CAPN11: variants seen among roughly 807,000 people sequenced by gnomAD.
CAPN11 encodes the protein calpain-11.
CAPN11 carries 108 observed loss-of-function variants against 105.3 expected under a neutral mutation model. The observed-to-expected ratio is 1.03, with a 90% confidence interval of 0.88 to 1.20. CAPN11 has a LOEUF of 1.20. CAPN11 is among the 50% of genes most tolerant of loss of function. The pLI, the probability that CAPN11 is intolerant of heterozygous loss-of-function variation, is 0.00. For missense variants in CAPN11, 883 were observed against 924.8 expected, an observed-to-expected ratio of 0.95 and a Z score of 0.59; for synonymous variants, 329 against 344.5, an observed-to-expected ratio of 0.96 and a Z score of 0.50.
At position 44,169,262 on chromosome 6, in the gene CAPN11, CT is replaced by C. The variant is rs754140835; in HGVS notation, c.89-10del. 2.3e-5 allele frequency: 36 copies of C among 1,562,346 alleles called. No homozygotes were observed. The highest frequency in any genetic ancestry group is 3.7e-5 in the Admixed American group (2 of 53,664). On this transcript the variant is annotated intron_variant, in intron 2 of 22. Transcript: ENST00000398776. ...TACATTTTTTACTTGCGTTATTTCT[CT>C]TTTTTTTTCTTAAGCAGAGCCCACT...
At chr6:44,176,172 C>T (rs1771962266) in intron 8 of CAPN11, 21 bp downstream of exon 8, 2 of 1,429,658 alleles carry the variant, frequency 1.4e-6, no homozygotes, top group African/African-American at 1.6e-5. Context: ...AGAAATGCGC[C>T]CTACCCTGAG....
intron 2 of CAPN11, chr6:44,168,930 AT>A (rs35889800): frequency 4.0e-4 from 170 of 425,618 alleles, no homozygotes; most frequent in Non-Finnish European, 4.5e-4. Context: ...CTATTTATTT[AT>A]TTTTTTTTAG....
At chr6:44,160,189 A>G (rs965748242) in intron 1 of CAPN11, among the ~76,000 whole-genome samples, 2 of 152,200 alleles carry the variant, frequency 1.3e-5, no homozygotes, top group African/African-American at 4.8e-5. Context: ...CCACAAACAA[A>G]TAACAAGTAT....
In CAPN11 at chr6:44,169,912, A is replaced by G; in HGVS notation, c.346A>G (p.Ile116Val). The G allele has an allele frequency of 6.2e-7, 1 of 1,611,332 alleles. No individual in the cohort carries two copies. The highest frequency in any genetic ancestry group is 8.5e-7 in the Non-Finnish European group (1 of 1,178,492). ...NISWQRPKDI[I>V]NNPLFIMDGI... Reference sequence around the variant, plus strand: ...CTTTATTCCTTCACTGCAGGATATCATAAACAACCCTCTATTCATCATGGA... The same window carrying G: ...CTTTATTCCTTCACTGCAGGATATCGTAAACAACCCTCTATTCATCATGGA... Residue 116 changes from isoleucine (I) to valine (V), a missense_variant, in exon 4 of 23, where the codon ATA (isoleucine) becomes GTA (valine). By Grantham distance (29) the Ile-to-Val change is conservative (BLOSUM62 3). Coordinates refer to ENST00000398776, the MANE Select transcript of CAPN11 (RefSeq NM_007058.4).
intron 1 of CAPN11, among the ~76,000 whole-genome samples, chr6:44,166,208 C>T (rs1341480708): frequency 2.0e-5 from 3 of 152,118 alleles, no homozygotes; most frequent in Non-Finnish European, 2.9e-5. Flanking sequence ...AATCATCTGT[C>T]GATGCCTTTG....
chr6:44,177,179 C>T (rs1280644687), intron 11 of CAPN11, 63 bp from the exon 12 acceptor site: 1 of 1,523,860 alleles, frequency 6.6e-7, no homozygotes, highest in African/African-American at 1.4e-5. Flanking sequence ...GCTCGGTCCA[C>T]CCTGGGAAGG....
chr6:44,181,072 C>T, intron 18 of CAPN11, 75 bp downstream of exon 18: 1 of 1,356,302 alleles, frequency 7.4e-7, no homozygotes, highest in East Asian at 2.3e-5. Context: ...CACCCTGGGC[C>T]AGCCACGTCC....
chr6:44,181,057 A>T, intron 18 of CAPN11, 60 bp downstream of exon 18: 3 of 1,491,482 alleles, frequency 2.0e-6, no homozygotes, highest in Non-Finnish European at 2.8e-6. Context: ...TGGCCCAGAG[A>T]TGGCCACCCT....
rs1176630830 is a variant in CAPN11 at position 44,177,119 on chromosome 6, T to C, written c.1237+121T>C. ...CAGGGTCCATGAGGTCAAGGGTTAG[T>C]CAGATTTCACAGCCCCTGTGGAGGA... On this transcript the variant is annotated intron_variant, in intron 11 of 22. Coordinates refer to ENST00000398776, the MANE Select transcript of CAPN11 (RefSeq NM_007058.4). The C allele has an allele frequency of 4.1e-6, 6 of 1,474,554 alleles. No homozygotes were observed. In the East Asian group the frequency reaches 1.4e-4, roughly 34 times the overall value. 91.3% of individuals were successfully genotyped at this position (1,474,554 alleles called of 1,614,324 possible). A position where few individuals can be genotyped will look rare whatever the true frequency, so the allele number is the denominator to read the frequency against.
chr6:44,184,240 G>A lies in CAPN11; in HGVS notation c.*308G>A. 2.2e-6 allele frequency: 1 copy of A among 458,198 alleles called. No individual in the cohort carries two copies. The highest frequency in any genetic ancestry group is 3.9e-6 in the Non-Finnish European group (1 of 253,224). The allele number at this position is 458,198 out of a possible 1,614,324, so 28.4% of individuals were successfully genotyped here. A position where few individuals can be genotyped will look rare whatever the true frequency, so the allele number is the denominator to read the frequency against. On this transcript the variant is annotated 3_prime_UTR_variant, in exon 23 of 23. Coordinates refer to ENST00000398776, the MANE Select transcript of CAPN11 (RefSeq NM_007058.4). Reference sequence around the variant, plus strand: ...GTTGATGCTTCCCCAGGGTCCCCCTGGCTGGGGAGGCCAAGAATAGGGAAG... The same window carrying A: ...GTTGATGCTTCCCCAGGGTCCCCCTAGCTGGGGAGGCCAAGAATAGGGAAG...
chr6:44,180,083 C>G lies in CAPN11; in HGVS notation c.1560C>G (p.Ile520Met). Reference protein sequence around the residue: ...SQLRLPPGEYIIIPSTFEPHR... With the variant: ...SQLRLPPGEYMIIPSTFEPHR... The stretch of plus-strand genomic sequence containing the variant: ...TCCGGCTGCCTCCGGGGGAATATAT[C>G]ATTATTCCCTCCACCTTTGAGCCAC... The change falls in exon 14 of 23, where the codon ATC becomes ATG. Residue 520 changes from isoleucine to methionine, a missense_variant. Physicochemically the swap from Ile to Met is conservative, Grantham distance 10 (BLOSUM62 1). Coordinates refer to ENST00000398776, the MANE Select transcript of CAPN11 (RefSeq NM_007058.4). 1.9e-6 allele frequency: 3 copies of G among 1,611,494 alleles called. No homozygotes were observed. The highest frequency in any genetic ancestry group is 2.5e-6 in the Non-Finnish European group (3 of 1,177,746).
rs189420516 is a variant in CAPN11, at chr6:44,175,976, C to T, written c.832-92C>T. On this transcript the variant is annotated intron_variant, in intron 7 of 22. Coordinates refer to ENST00000398776, the MANE Select transcript of CAPN11 (RefSeq NM_007058.4). The stretch of plus-strand genomic sequence containing the variant: ...TAAAAGTTTAGTTTAAAAAAATTAA[C>T]CTGGAGAGCTCGCCCCTTCCTTTGG... 6,032 of 721,598 alleles carry T rather than the reference C, an allele frequency of 8.4e-3. 70 individuals carry two copies. Among genetic ancestry groups the T allele is most frequent in the South Asian group, 0.025 (1,554 of 62,822 alleles). 44.7% of individuals were successfully genotyped at this position (721,598 alleles called of 1,614,324 possible).
chr6:44,169,505 C>T lies in CAPN11; in HGVS notation c.313C>T (p.Gln105Ter). The stretch of plus-strand genomic sequence containing the variant: ...CCTGGGCCCCAACTCCAAAAATGTG[C>T]AGAACATCTCCTGGCAGCGGCCCAA... ...KDLGPNSKNVQNISWQRPKDI... is the reference protein window; with the variant it reads ...KDLGPNSKNV The change falls in exon 3 of 23, where the codon CAG (glutamine) becomes TAG (stop). Residue 105 changes from glutamine (Q) to a stop codon, truncating the protein, a stop_gained. Transcript: ENST00000398776. LOFTEE classifies it high-confidence loss of function. 7 of 1,596,294 alleles carry T rather than the reference C, an allele frequency of 4.4e-6. No individual in the cohort carries two copies. The highest frequency in any genetic ancestry group is 6.0e-6 in the Non-Finnish European group (7 of 1,171,614).
chr6:44,158,831 A>G lies in CAPN11; in HGVS notation c.-18A>G. Reference sequence around the variant, plus strand: ...CCACCAGAACCTTCAACTGTCAAGCACCGAGCTAGCCACCAGCATGCTGTA... The same window carrying G: ...CCACCAGAACCTTCAACTGTCAAGCGCCGAGCTAGCCACCAGCATGCTGTA... On this transcript the variant is annotated 5_prime_UTR_variant, in exon 1 of 23. Coordinates refer to ENST00000398776, the MANE Select transcript of CAPN11 (RefSeq NM_007058.4). The G allele has an allele frequency of 1.3e-6, 2 of 1,551,104 alleles. No individual in the cohort carries two copies. The highest frequency in any genetic ancestry group is 2.4e-5 in the East Asian group (1 of 40,886).
Position 44,169,275 on chromosome 6 carries a change from A to T in CAPN11, c.89-6A>T. ...TGCGTTATTTCTCTTTTTTTTTCTT[A>T]AGCAGAGCCCACTTTTACTGATACG... is the stretch of plus-strand genomic sequence containing the variant. On this transcript the variant is annotated splice_region_variant and splice_polypyrimidine_tract_variant and intron_variant, in intron 2 of 22. Transcript: ENST00000398776. 6.3e-7 allele frequency: 1 copy of T among 1,591,968 alleles called. No homozygotes were observed. Among genetic ancestry groups the T allele is most frequent in the Admixed American group, 1.8e-5 (1 of 54,560 alleles).
chr6:44,167,490 T>G (rs1295121712), intron 2 of CAPN11, among the ~76,000 whole-genome samples: 4 of 90,084 alleles, frequency 4.4e-5, no homozygotes, highest in Non-Finnish European at 7.6e-5. Flanking sequence ...AGAATGAGAC[T>G]CCATCTCAAA....
intron 1 of CAPN11, among the ~76,000 whole-genome samples, chr6:44,166,030 C>T (rs561002818): frequency 6.6e-6 from 1 of 152,166 alleles, no homozygotes; most frequent in Admixed American, 6.5e-5. Flanking sequence ...TTGTGAAGGA[C>T]TCCATGACTG....
At chr6:44,161,146 T>C (rs776757845) in intron 1 of CAPN11, among the ~76,000 whole-genome samples, 3 of 151,624 alleles carry the variant, frequency 2.0e-5, no homozygotes, top group Admixed American at 1.3e-4. Flanking sequence ...CTTGGATCTT[T>C]TGCCCTCTCT....
intron 1 of CAPN11, among the ~76,000 whole-genome samples, chr6:44,162,916 G>A (rs541403585): frequency 6.6e-6 from 1 of 152,232 alleles, no homozygotes; most frequent in East Asian, 1.9e-4. Context: ...AGACAGACAA[G>A]CACACACATG....
Sources: allele counts gnomAD v4.1 joint callset (sites outside exome capture counted in the v4.1 genomes callset), GRCh38; gene constraint gnomAD v4.1.1; transcripts MANE v1.5; gene names NCBI Gene and HGNC (gene_info 2026-07-23, HGNC 2026-07-21).